CSNK1G2: variants seen among roughly 807,000 people sequenced by gnomAD.
CSNK1G2 encodes casein kinase 1 gamma 2.
CSNK1G2 carries 11 observed loss-of-function variants against 48.0 expected under a neutral mutation model. The ratio of observed to expected loss-of-function variants is 0.23; its 90% CI spans 0.14 to 0.38. The LOEUF is 0.38. Among genes scored for constraint, CSNK1G2 ranks in the 10% least tolerant of loss-of-function variants. CSNK1G2 has a pLI of 1.00. For synonymous variants in CSNK1G2, 337 were observed against 254.1 expected, an observed-to-expected ratio of 1.33 and a Z score of -3.10; for missense variants, 446 against 595.5, an observed-to-expected ratio of 0.75 and a Z score of 2.61.
At position 1,978,431 on chromosome 19, in the gene CSNK1G2, T is replaced by C. The variant is rs1332903051; in HGVS notation, c.229-11T>C. 3.7e-6 allele frequency: 6 copies of C among 1,611,048 alleles called. No individual in the cohort carries two copies. The highest frequency in any genetic ancestry group is 5.1e-6 in the Non-Finnish European group (6 of 1,179,254). On this transcript the variant is annotated splice_polypyrimidine_tract_variant and intron_variant, in intron 3 of 11. Transcript: ENST00000255641. The surrounding 1 kb of genome is among the most constrained non-coding windows in gnomAD (Gnocchi z 7.3). ...ACCCGGTCCCCTGGTGACTCGCTCT[T>C]GTGCCCCCAGGAGCCGATCAAGTCC...
chr19:1,979,782 C>G lies in CSNK1G2; in HGVS notation c.1033C>G (p.Leu345Val). The change falls in exon 10 of 12, where the codon CTG (leucine) becomes GTG (valine). Residue 345 changes from leucine to valine, a missense_variant. By Grantham distance (32) the Leu-to-Val change is conservative. Coordinates refer to ENST00000255641, the MANE Select transcript of CSNK1G2 (RefSeq NM_001319.7). ...PTPIGTVHTD[L>V]PSQPQLRDKT... ...CCCCATCGGCACCGTCCACACCGAC[C>G]TGCCCTCCCAGCCTCAGCTCCGGGA... is the stretch of plus-strand genomic sequence containing the variant. 1 of 1,607,424 alleles carries G rather than the reference C, an allele frequency of 6.2e-7. No homozygotes were observed. Among genetic ancestry groups the G allele is most frequent in the Non-Finnish European group, 8.5e-7 (1 of 1,179,054 alleles).
chr19:1,954,627 ACAGT>A (rs919270987), intron 1 of CSNK1G2: 11 of 152,164 alleles, frequency 7.2e-5, no homozygotes, highest in African/African-American at 2.4e-4. Context: ...CTCAGTGGAG[ACAGT>A]CAGAGAAGGG....
intron 2 of CSNK1G2, among the ~76,000 whole-genome samples, chr19:1,970,795 G>A: frequency 6.6e-6 from 1 of 152,356 alleles, no homozygotes; most frequent in South Asian, 2.1e-4. Flanking sequence ...TGTCTGTCGT[G>A]GTGGGAATCA....
intron 1 of CSNK1G2, among the ~76,000 whole-genome samples, chr19:1,966,587 G>A (rs1002530743): frequency 1.3e-5 from 2 of 152,146 alleles, no homozygotes; most frequent in African/African-American, 4.8e-5. Context: ...AGCCGCGGCC[G>A]GGTTGAGAGG....
At chr19:1,942,204 G>A (rs555439863) in intron 1 of CSNK1G2, among the ~76,000 whole-genome samples, 6 of 152,208 alleles carry the variant, frequency 3.9e-5, no homozygotes, top group African/African-American at 1.4e-4. Context: ...GGGAGGGAGG[G>A]TGAGATGTCT....
At chr19:1,969,137 G>A (rs925114472) in intron 1 of CSNK1G2, among the ~76,000 whole-genome samples, 31 of 152,170 alleles carry the variant, frequency 2.0e-4, no homozygotes, top group African/African-American at 7.0e-4. Context: ...GTCTGGGGGT[G>A]CGACTGCTCC....
rs1212742655 is a variant in CSNK1G2, at chr19:1,980,694, C to T, written c.*491C>T. 2 of 166,106 alleles carry T rather than the reference C, an allele frequency of 1.2e-5. No homozygotes were observed. Among genetic ancestry groups the T allele is most frequent in the Non-Finnish European group, 2.6e-5 (2 of 76,436 alleles). The allele number at this position is 166,106 out of a possible 1,614,324, so 10.3% of individuals were successfully genotyped here. On this transcript the variant is annotated 3_prime_UTR_variant, in exon 12 of 12. Transcript: ENST00000255641. Reference sequence around the variant, plus strand: ...TGCTGTGGAGCTGTCTTGCCCAGGCCCTCCTGGGAGGGGGACAGGCATTGT... The same window carrying T: ...TGCTGTGGAGCTGTCTTGCCCAGGCTCTCCTGGGAGGGGGACAGGCATTGT...
intron 1 of CSNK1G2, among the ~76,000 whole-genome samples, chr19:1,942,956 G>C (rs1449087300): frequency 6.6e-6 from 1 of 152,164 alleles, no homozygotes; most frequent in African/African-American, 2.4e-5. Context: ...CGCCTGCCTT[G>C]ACGTCTCTAG....
rs751022048 is a variant in CSNK1G2 at position 1,969,966 on chromosome 19, C to T, written c.187+7C>T. The T allele has an allele frequency of 6.1e-6, 8 of 1,304,078 alleles. No individual in the cohort carries two copies. The highest frequency in any genetic ancestry group is 7.8e-6 in the Non-Finnish European group (8 of 1,021,390). The allele number at this position is 1,304,078 out of a possible 1,614,324, so 80.8% of individuals were successfully genotyped here. On this transcript the variant is annotated splice_region_variant and intron_variant, in intron 2 of 11. Coordinates refer to ENST00000255641, the MANE Select transcript of CSNK1G2 (RefSeq NM_001319.7). The stretch of plus-strand genomic sequence containing the variant: ...TTCGGGGAGCTCCGCCTAGGTGAGG[C>T]CCTGCTCGGTGGTAGGTGGGGTCGG...
chr19:1,949,105 C>A (rs2014674194), intron 1 of CSNK1G2, among the ~76,000 whole-genome samples: 1 of 152,098 alleles, frequency 6.6e-6, no homozygotes, highest in African/African-American at 2.4e-5. Flanking sequence ...TGAAAAAATC[C>A]ACGTCAGAGT....
In CSNK1G2 at chr19:1,978,934, C is replaced by T. The variant is rs2015865242; in HGVS notation, c.523C>T (p.Arg175Cys). The T allele has an allele frequency of 2.5e-6, 4 of 1,601,920 alleles. No homozygotes were observed. The highest frequency in any genetic ancestry group is 3.4e-6 in the Non-Finnish European group (4 of 1,179,656). The change falls in exon 6 of 12, where the codon CGC (arginine) becomes TGC (cysteine). Residue 175 changes from arginine (R) to cysteine (C), a missense_variant. Coordinates refer to ENST00000255641, the MANE Select transcript of CSNK1G2 (RefSeq NM_001319.7). This position sits in a 1 kb window ranked among gnomAD's most constrained non-coding sequence, Gnocchi z 7.3. ...GAAGCCCGAGAACTTCCTGGTGGGC[C>T]GCCCGGGGACCAAGCGGCAGCATGC... ...DVKPENFLVG[R>C]PGTKRQHAIH...
At chr19:1,942,252 C>T (rs917142085) in intron 1 of CSNK1G2, among the ~76,000 whole-genome samples, 2 of 152,238 alleles carry the variant, frequency 1.3e-5, no homozygotes, top group South Asian at 2.1e-4. Flanking sequence ...TCCCCGATCC[C>T]CGCCTGGCTC....
chr19:1,941,440 C>T (rs2014354260), intron 1 of CSNK1G2, 22 bp downstream of exon 1: 1 of 148,870 alleles, frequency 6.7e-6, no homozygotes, highest in African/African-American at 2.4e-5. Context: ...CGCGCCCGCC[C>T]CGGCCCCTTC....
At chr19:1,952,102 G>A (rs942462528) in intron 1 of CSNK1G2, among the ~76,000 whole-genome samples, 2 of 152,186 alleles carry the variant, frequency 1.3e-5, no homozygotes, top group African/African-American at 4.8e-5. Flanking sequence ...CTAGGACTTG[G>A]CATGTCTTTT....
At chr19:1,960,142 T>G (rs2015149697) in intron 1 of CSNK1G2, among the ~76,000 whole-genome samples, 1 of 152,316 alleles carries the variant, frequency 6.6e-6, no homozygotes, top group Non-Finnish European at 1.5e-5. Context: ...CACAGCCGAA[T>G]GTCTGCGTCA....
rs115640377 is a variant in CSNK1G2, at chr19:1,976,019, A to G, written c.188-2286A>G. On this transcript the variant is annotated intron_variant, in intron 2 of 11. Coordinates refer to ENST00000255641, the MANE Select transcript of CSNK1G2 (RefSeq NM_001319.7). ...CAGTGCACTCCAGCCTGGGCAACAGAACGAGACTCTGCTCCAAAAAGAAAA... is the reference window on the plus strand; with the variant it reads ...CAGTGCACTCCAGCCTGGGCAACAGGACGAGACTCTGCTCCAAAAAGAAAA... The G allele has an allele frequency of 1.7e-3, 2,180 of 1,260,564 alleles. 36 individuals carry two copies. In the African/African-American group the frequency reaches 0.031, roughly 18 times the overall value. 78.1% of individuals were successfully genotyped at this position (1,260,564 alleles called of 1,614,324 possible).
chr19:1,975,677 T>A lies in CSNK1G2; in HGVS notation c.188-2628T>A, dbSNP rs1373881001. On this transcript the variant is annotated intron_variant, in intron 2 of 11. Transcript: ENST00000255641. ...GCAAATGCTGGACTGAACCTGCAGCTGATTCAGGGGGCAGTGTCCTGAGCT... is the reference window on the plus strand; with the variant it reads ...GCAAATGCTGGACTGAACCTGCAGCAGATTCAGGGGGCAGTGTCCTGAGCT... 3 of 985,328 alleles carry A rather than the reference T, an allele frequency of 3.0e-6. No homozygotes were observed. The Admixed American group carries it at 1.8e-4, about 61-fold the overall frequency. 61.0% of individuals were successfully genotyped at this position (985,328 alleles called of 1,614,324 possible). A position where few individuals can be genotyped will look rare whatever the true frequency, so the allele number is the denominator to read the frequency against.
intron 1 of CSNK1G2, among the ~76,000 whole-genome samples, chr19:1,965,721 C>T (rs2015345452): frequency 6.6e-6 from 1 of 152,082 alleles, no homozygotes; most frequent in Non-Finnish European, 1.5e-5. Flanking sequence ...TGGTCTTGAA[C>T]TCCTGAGCTC....
At chr19:1,979,284 A>C (rs767521303) in intron 7 of CSNK1G2, 35 bp from the exon 8 acceptor site, 2 of 1,572,766 alleles carry the variant, frequency 1.3e-6, no homozygotes, top group South Asian at 2.3e-5. Context: ...GCGGGGACGC[A>C]GGGCGGGAGC....
Sources: gnomAD v4.1 joint callset for allele counts (sites outside exome capture counted in the v4.1 genomes callset) on GRCh38, gnomAD v4.1.1 for gene constraint, Gnocchi (gnomAD v3.1) non-coding constraint, MANE v1.5 for transcripts, NCBI Gene and HGNC (gene_info 2026-07-23, HGNC 2026-07-21) for gene names.